Variants in MYO1D observed in about 807,000 individuals in gnomAD.
The protein encoded by MYO1D is unconventional myosin-Id.
MYO1D carries 83 observed loss-of-function variants against 122.0 expected under a neutral mutation model. That is an observed-to-expected ratio of 0.68 (90% CI 0.57 to 0.82). MYO1D has a LOEUF of 0.82. Ranked by LOEUF, MYO1D falls within the 40% of genes least tolerant of loss-of-function variation. The probability of loss-of-function intolerance (pLI) is 0.00; values close to 1 mark genes in which losing one functional copy is unlikely to be tolerated. For synonymous variants in MYO1D, 464 were observed against 446.9 expected (o/e 1.04, Z -0.48); for missense variants, 1,157 against 1,269.5 (o/e 0.91, Z 1.35).
intron 20 of MYO1D, among the ~76,000 whole-genome samples, chr17:32,615,901 G>T (rs775028897): frequency 1.2e-4 from 18 of 152,198 alleles, no homozygotes; most frequent in Non-Finnish European, 2.4e-4. Flanking sequence ...GTCTAATGGA[G>T]TGATTATAAA....
intron 1 of MYO1D, among the ~76,000 whole-genome samples, chr17:32,782,706 C>A (rs2090251356): frequency 6.6e-6 from 1 of 152,160 alleles, no homozygotes; most frequent in Non-Finnish European, 1.5e-5. Flanking sequence ...GAGGCCAAGG[C>A]AGGTGGATTA....
chr17:32,869,272 C>A (rs1365641812), intron 1 of MYO1D, among the ~76,000 whole-genome samples: 1 of 151,976 alleles, frequency 6.6e-6, no homozygotes, highest in Non-Finnish European at 1.5e-5. Flanking sequence ...CTGAAAGAAG[C>A]CTGCTTCCTA....
At chr17:32,626,928 GT>G (rs1278269598) in intron 20 of MYO1D, among the ~76,000 whole-genome samples, 4 of 152,110 alleles carry the variant, frequency 2.6e-5, no homozygotes, top group Non-Finnish European at 1.5e-5. Flanking sequence ...GGGAAAGAAT[GT>G]TTCATTGCCA....
chr17:32,723,521 G>C (rs952990944), intron 14 of MYO1D, among the ~76,000 whole-genome samples: 2 of 152,076 alleles, frequency 1.3e-5, no homozygotes, highest in African/African-American at 4.8e-5. Flanking sequence ...CTCCCAGTAA[G>C]AGGTGGAGTC....
intron 14 of MYO1D, among the ~76,000 whole-genome samples, chr17:32,726,787 T>C (rs1255333554): frequency 6.6e-6 from 1 of 151,198 alleles, no homozygotes; most frequent in Non-Finnish European, 1.5e-5. Flanking sequence ...GTTATTTTGG[T>C]ATATAATTAA....
chr17:32,567,733 C>A (rs887554039), intron 21 of MYO1D, among the ~76,000 whole-genome samples: 2 of 152,116 alleles, frequency 1.3e-5, no homozygotes, highest in African/African-American at 2.4e-5. Flanking sequence ...GTCCAAGTAG[C>A]CCTGGAAGAA....
intron 21 of MYO1D, among the ~76,000 whole-genome samples, chr17:32,536,620 CAATT>C (rs925599733): frequency 7.9e-5 from 12 of 152,134 alleles, no homozygotes; most frequent in African/African-American, 1.9e-4. Flanking sequence ...AAGACAACGC[CAATT>C]AATTAGTTTC....
intron 21 of MYO1D, among the ~76,000 whole-genome samples, chr17:32,585,225 T>G (rs2087376176): frequency 6.6e-6 from 1 of 152,212 alleles, no homozygotes; most frequent in South Asian, 2.1e-4. Flanking sequence ...TTCTATTTTA[T>G]ATCTAAATTT....
intron 21 of MYO1D, among the ~76,000 whole-genome samples, chr17:32,571,600 G>A (rs191766191): frequency 6.6e-6 from 1 of 152,230 alleles, no homozygotes; most frequent in Admixed American, 6.5e-5. Context: ...AAAGGAAGTA[G>A]CCATTTCTTT....
chr17:32,565,887 AT>A (rs889107840), intron 21 of MYO1D, among the ~76,000 whole-genome samples: 2 of 151,298 alleles, frequency 1.3e-5, no homozygotes, highest in Non-Finnish European at 3.0e-5. Context: ...GGTGTGGCTA[AT>A]TTTTTTTTGT....
At position 32,559,992 on chromosome 17, in the gene MYO1D, C is replaced by T. The variant is rs1395886784; in HGVS notation, c.2864+45095G>A. 2.0e-5 allele frequency among the ~76,000 whole-genome samples: 3 copies of T among 152,138 alleles called. No homozygotes were observed. The East Asian group carries it at 5.8e-4, about 29-fold the overall frequency. The stretch of plus-strand genomic sequence containing the variant: ...AAAAAGTGTGCCAGGTGTGGTGGCT[C>T]ACGCCTGTAATCCCAGCACTTTGGG... On this transcript the variant is annotated intron_variant, in intron 21 of 21. Coordinates refer to ENST00000318217, the MANE Select transcript of MYO1D (RefSeq NM_015194.3).
At position 32,716,814 on chromosome 17, in the gene MYO1D, C is replaced by A. The variant is rs540415000; in HGVS notation, c.1913+4209G>T. 4.6e-5 allele frequency among the ~76,000 whole-genome samples: 7 copies of A among 152,368 alleles called. No homozygotes were observed. In the East Asian group the frequency reaches 1.2e-3, roughly 25 times the overall value. ...TGCCTTCTTTCATGCCAGCAAACTGCATGACCCTGGTTCTCTGGCAAACCA... is the reference window on the plus strand; with the variant it reads ...TGCCTTCTTTCATGCCAGCAAACTGAATGACCCTGGTTCTCTGGCAAACCA... On this transcript the variant is annotated intron_variant, in intron 15 of 21. Transcript: ENST00000318217.
intron 21 of MYO1D, among the ~76,000 whole-genome samples, chr17:32,533,086 C>T (rs1282750752): frequency 1.3e-5 from 2 of 152,178 alleles, no homozygotes; most frequent in African/African-American, 4.8e-5. Flanking sequence ...TTTGTCTCCT[C>T]TACCCTCTTC....
chr17:32,838,952 C>A, intron 1 of MYO1D, among the ~76,000 whole-genome samples: 1 of 152,116 alleles, frequency 6.6e-6, no homozygotes, highest in East Asian at 1.9e-4. Context: ...TGGAAGTACA[C>A]TAAATGCTTA....
chr17:32,542,342 C>T (rs879346723), intron 21 of MYO1D, among the ~76,000 whole-genome samples: 2 of 152,198 alleles, frequency 1.3e-5, no homozygotes, highest in African/African-American at 2.4e-5. Context: ...TGGCACACTG[C>T]TATTGTGCCT....
chr17:32,735,812 A>G (rs902771054), intron 14 of MYO1D, among the ~76,000 whole-genome samples: 1 of 151,922 alleles, frequency 6.6e-6, no homozygotes, highest in Admixed American at 6.6e-5. Flanking sequence ...CTGTATTAAT[A>G]CTTGCTTTCT....
At chr17:32,566,385 C>A (rs1298123990) in intron 21 of MYO1D, among the ~76,000 whole-genome samples, 1 of 152,102 alleles carries the variant, frequency 6.6e-6, no homozygotes, top group African/African-American at 2.4e-5. Context: ...AGGTTAGGAA[C>A]AGCATTCCTG....
At chr17:32,556,238 A>T (rs887518887) in intron 21 of MYO1D, among the ~76,000 whole-genome samples, 1 of 152,270 alleles carries the variant, frequency 6.6e-6, no homozygotes, top group African/African-American at 2.4e-5. Context: ...CATCTCTACC[A>T]ATCTTCTCTT....
Position 32,494,568 on chromosome 17 carries a change from C to G in MYO1D, c.*191G>C, listed in dbSNP as rs1037834563. 4 of 712,650 alleles carry G rather than the reference C, an allele frequency of 5.6e-6. No homozygotes were observed. The South Asian group carries it at 7.7e-5, about 14-fold the overall frequency. 44.1% of individuals were successfully genotyped at this position (712,650 alleles called of 1,614,324 possible). A position where few individuals can be genotyped will look rare whatever the true frequency, so the allele number is the denominator to read the frequency against. On this transcript the variant is annotated 3_prime_UTR_variant, in exon 22 of 22. Coordinates refer to ENST00000318217, the MANE Select transcript of MYO1D (RefSeq NM_015194.3). The stretch of plus-strand genomic sequence containing the variant: ...GGTCTTTGGCTTATTGAACAGGGAC[C>G]GTGGACAGTAAGGACAGAGGAAGAT...
Sources: gnomAD v4.1 joint callset for allele counts (sites outside exome capture counted in the v4.1 genomes callset) on GRCh38, gnomAD v4.1.1 for gene constraint, MANE v1.5 for transcripts, NCBI Gene and HGNC (gene_info 2026-07-23, HGNC 2026-07-21) for gene names.